EIF4E3: variants seen among roughly 807,000 people sequenced by gnomAD.
The protein encoded by EIF4E3 is eukaryotic translation initiation factor 4E type 3.
In EIF4E3, 26 loss-of-function variants were observed where a neutral mutation model predicts 31.7. The ratio of observed to expected loss-of-function variants is 0.82; its 90% CI spans 0.60 to 1.14. EIF4E3 has a LOEUF of 1.14. Among genes scored for constraint, EIF4E3 ranks in the 50% most tolerant of loss-of-function variants. The pLI, the probability that EIF4E3 is intolerant of heterozygous loss-of-function variation, is 0.00. For synonymous variants in EIF4E3, 128 were observed against 107.7 expected, an observed-to-expected ratio of 1.19 and a Z score of -1.17; for missense variants, 304 against 270.9, an observed-to-expected ratio of 1.12 and a Z score of -0.86.
downstream of EIF4E3, among the ~76,000 whole-genome samples, chr3:71,672,019 CAGA>C (rs1449803628): frequency 5.3e-5 from 8 of 152,314 alleles, no homozygotes; most frequent in African/African-American, 1.7e-4. Flanking sequence ...CCCGATTTAG[CAGA>C]AGGCTTATTT....
chr3:71,719,797 C>G (rs913581110), intron 1 of EIF4E3, among the ~76,000 whole-genome samples: 3 of 151,730 alleles, frequency 2.0e-5, no homozygotes, highest in Admixed American at 6.6e-5. Context: ...GAGAATTGCT[C>G]GAGCCCAGGA....
intron 2 of EIF4E3, among the ~76,000 whole-genome samples, chr3:71,700,376 T>C (rs1447254919): frequency 6.6e-6 from 1 of 152,248 alleles, no homozygotes; most frequent in African/African-American, 2.4e-5. Context: ...GTACTGAATA[T>C]ATGTACTGAA....
chr3:71,754,077 A>AGCG (rs774572737), upstream of EIF4E3: 48 of 1,315,946 alleles, frequency 3.6e-5, no homozygotes, highest in Admixed American at 1.2e-4. This position sits in a 1 kb window ranked among gnomAD's most constrained non-coding sequence, Gnocchi z 5.8. Context: ...GCCGGGTGGC[A>AGCG]GCGGCGGCGG....
chr3:71,703,135 A>G (rs896592522), intron 2 of EIF4E3, among the ~76,000 whole-genome samples: 4 of 152,196 alleles, frequency 2.6e-5, no homozygotes, highest in African/African-American at 9.7e-5. Flanking sequence ...TAATCACCCT[A>G]AGACTAGGAG....
chr3:71,714,003 G>A (rs925788894), intron 1 of EIF4E3, among the ~76,000 whole-genome samples: 1 of 152,064 alleles, frequency 6.6e-6, no homozygotes, highest in African/African-American at 2.4e-5. Context: ...CTGAGGTCAG[G>A]TGTTCGAGAC....
At chr3:71,685,893 T>C (rs980620374) in intron 6 of EIF4E3, among the ~76,000 whole-genome samples, 4 of 152,242 alleles carry the variant, frequency 2.6e-5, no homozygotes, top group African/African-American at 9.6e-5. Flanking sequence ...CCCAACACGC[T>C]ACCCACACTT....
intron 1 of EIF4E3, among the ~76,000 whole-genome samples, chr3:71,724,991 C>T (rs1057125102): frequency 1.3e-5 from 2 of 152,098 alleles, no homozygotes; most frequent in African/African-American, 4.8e-5. Flanking sequence ...GGCGAGGACG[C>T]CGAACAGCCG....
upstream of EIF4E3, chr3:71,725,468 C>T (rs2049623894): frequency 1.4e-6 from 1 of 740,250 alleles, no homozygotes; most frequent in Non-Finnish European, 1.6e-6. The surrounding 1 kb of genome is among the most constrained non-coding windows in gnomAD (Gnocchi z 6.1). Flanking sequence ...GCGCGCCCCG[C>T]CCCGCCCCGG....
intron 1 of EIF4E3, among the ~76,000 whole-genome samples, chr3:71,752,764 C>G (rs1256540800): frequency 6.6e-6 from 1 of 152,108 alleles, no homozygotes; most frequent in African/African-American, 2.4e-5. Context: ...GACTAGAGGG[C>G]AGGGATACAG....
chr3:71,714,041 G>C (rs1166000181), intron 1 of EIF4E3, among the ~76,000 whole-genome samples: 2 of 151,820 alleles, frequency 1.3e-5, no homozygotes, highest in South Asian at 2.1e-4. Context: ...TGAAATCCAG[G>C]CTCTACTAAA....
chr3:71,714,838 C>T (rs1306695251), intron 1 of EIF4E3, among the ~76,000 whole-genome samples: 1 of 152,138 alleles, frequency 6.6e-6, no homozygotes, highest in Non-Finnish European at 1.5e-5. Context: ...CCTGGGCAGC[C>T]GGCAGCCACA....
intron 1 of EIF4E3, among the ~76,000 whole-genome samples, chr3:71,732,009 G>T (rs1270162670): frequency 6.6e-6 from 1 of 152,186 alleles, no homozygotes; most frequent in East Asian, 1.9e-4. Flanking sequence ...AAACAGATTT[G>T]TCCCTATTTC....
At chr3:71,717,144 T>G (rs1160162373) in intron 1 of EIF4E3, among the ~76,000 whole-genome samples, 1 of 152,226 alleles carries the variant, frequency 6.6e-6, no homozygotes, top group Non-Finnish European at 1.5e-5. Context: ...GCTGCATCTT[T>G]GCCACTCAAA....
At position 71,694,589 on chromosome 3, in the gene EIF4E3, G is replaced by C. The variant is rs77874765; in HGVS notation, c.406-648C>G. Among the ~76,000 whole-genome samples, 39 of 152,270 alleles carry C rather than the reference G, an allele frequency of 2.6e-4. No homozygotes were observed. The East Asian group carries it at 7.0e-3, about 27-fold the overall frequency. ...GTTTCTTTCTCCTCATGATCTAATAGTGGCATCCAATAGACAGCTACATTA... is the reference window on the plus strand; with the variant it reads ...GTTTCTTTCTCCTCATGATCTAATACTGGCATCCAATAGACAGCTACATTA... On this transcript the variant is annotated intron_variant, in intron 4 of 6. Coordinates refer to ENST00000425534, the MANE Select transcript of EIF4E3 (RefSeq NM_001134651.2).
chr3:71,702,104 T>C (rs2049225694), intron 2 of EIF4E3, among the ~76,000 whole-genome samples: 1 of 152,184 alleles, frequency 6.6e-6, no homozygotes, highest in South Asian at 2.1e-4. Flanking sequence ...TACTACTATA[T>C]GTTTTTGACA....
At chr3:71,662,445 C>A in the EIF4E3 span, among the ~76,000 whole-genome samples, 1 of 152,160 alleles carries the variant, frequency 6.6e-6, no homozygotes, top group African/African-American at 2.4e-5. Context: ...CTCTTAAATG[C>A]CTCATATATT....
At chr3:71,732,412 A>G (rs946048015) in intron 1 of EIF4E3, among the ~76,000 whole-genome samples, 16 of 152,186 alleles carry the variant, frequency 1.1e-4, no homozygotes, top group Non-Finnish European at 2.2e-4. Flanking sequence ...TTTAAAAAAA[A>G]AAAGTCCCAA....
chr3:71,725,005 G>A lies in EIF4E3; in HGVS notation c.176+187C>T, dbSNP rs889537186. Among the ~76,000 whole-genome samples the A allele has an allele frequency of 6.6e-6, 1 of 152,036 alleles. No homozygotes were observed. The highest frequency in any genetic ancestry group is 2.4e-5 in the African/African-American group (1 of 41,428). On this transcript the variant is annotated intron_variant, in intron 1 of 6. Transcript: ENST00000425534. The surrounding 1 kb of genome is among the most constrained non-coding windows in gnomAD (Gnocchi z 6.1). ...AGGCGAGGACGCCGAACAGCCGCCCGGCGCGGCCCGAAGCTGGCTTCCGAC... is the reference window on the plus strand; with the variant it reads ...AGGCGAGGACGCCGAACAGCCGCCCAGCGCGGCCCGAAGCTGGCTTCCGAC...
At chr3:71,663,126 G>C in the EIF4E3 span, among the ~76,000 whole-genome samples, 3 of 152,158 alleles carry the variant, frequency 2.0e-5, no homozygotes, top group Non-Finnish European at 4.4e-5. Flanking sequence ...ATCCCCATCA[G>C]AAGAGAAGAA....
Sources: allele counts gnomAD v4.1 joint callset (sites outside exome capture counted in the v4.1 genomes callset), GRCh38; gene constraint gnomAD v4.1.1; non-coding constraint Gnocchi (gnomAD v3.1); transcripts MANE v1.5; gene names NCBI Gene and HGNC (gene_info 2026-07-23, HGNC 2026-07-21).